Variants in SLC36A1 observed in about 807,000 individuals in gnomAD.
The protein encoded by SLC36A1 is solute carrier family 36 member 1, also known as proton-coupled amino acid transporter 1.
Under a neutral mutation model 47.5 loss-of-function variants are expected in SLC36A1, and 30 were observed. That is an observed-to-expected ratio of 0.63 (90% confidence interval 0.47 to 0.86). The LOEUF is 0.86. SLC36A1 is among the 40% of genes least tolerant of loss of function. SLC36A1 has a pLI of 0.00. For missense variants in SLC36A1, 517 were observed against 606.0 expected (o/e 0.85, Z 1.54); for synonymous variants, 255 against 249.7 (o/e 1.02, Z -0.20).
chr5:151,376,568 G>A, the SLC36A1 span, among the ~76,000 whole-genome samples: 3 of 151,944 alleles, frequency 2.0e-5, no homozygotes, highest in African/African-American at 4.8e-5. Context: ...CTCTATAAAC[G>A]TCCCTCTTAG....
chr5:151,473,265 C>T (rs1489309672), intron 7 of SLC36A1, among the ~76,000 whole-genome samples: 1 of 152,142 alleles, frequency 6.6e-6, no homozygotes, highest in Non-Finnish European at 1.5e-5. Flanking sequence ...TTGTTAATTA[C>T]TTAACTGATC....
chr5:151,397,650 G>T, the SLC36A1 span, among the ~76,000 whole-genome samples: 2 of 151,234 alleles, frequency 1.3e-5, no homozygotes, highest in Non-Finnish European at 2.9e-5. Flanking sequence ...TGTAGTCCCA[G>T]CTACTGGGGA....
Position 151,454,083 on chromosome 5 carries a change from ATTTT to A in SLC36A1, c.-5-4684_-5-4681del, listed in dbSNP as rs35097474. ...AATGTTTTAAGGTTTGTACACTTAA[ATTTT>A]TTTTTTTTTTTTTTTTTTTTGGCCA... On this transcript the variant is annotated intron_variant, in intron 1 of 10. Coordinates refer to ENST00000243389, the MANE Select transcript of SLC36A1 (RefSeq NM_078483.4). Among the ~76,000 whole-genome samples, 210 of 88,090 alleles carry A rather than the reference ATTTT, an allele frequency of 2.4e-3. 1 individual carries two copies. The highest frequency in any genetic ancestry group is 9.3e-3 in the African/African-American group (197 of 21,264). The allele number at this position is 88,090 out of a possible 152,430, so 57.8% of individuals were successfully genotyped here.
chr5:151,425,604 G>T, the SLC36A1 span, among the ~76,000 whole-genome samples: 4 of 152,108 alleles, frequency 2.6e-5, no homozygotes, highest in African/African-American at 9.7e-5. Context: ...ATGGATGGAT[G>T]GATGGATGAT....
the SLC36A1 span, among the ~76,000 whole-genome samples, chr5:151,547,381 C>T: frequency 6.6e-6 from 1 of 152,174 alleles, no homozygotes; most frequent in Non-Finnish European, 1.5e-5. Flanking sequence ...AGTGCTTTCT[C>T]CATGCCCAAT....
chr5:151,504,733 G>C, the SLC36A1 span: 1 of 152,664 alleles, frequency 6.6e-6, no homozygotes, highest in East Asian at 1.9e-4. Flanking sequence ...GGCCAAAAGT[G>C]CCTGGGAAAC....
At chr5:151,448,997 C>T (rs140549953) in intron 1 of SLC36A1, among the ~76,000 whole-genome samples, 84 of 152,240 alleles carry the variant, frequency 5.5e-4, no homozygotes, top group African/African-American at 1.8e-3. Context: ...AGTGATCCTC[C>T]CACCTTGGCC....
chr5:151,381,973 T>TG, the SLC36A1 span: 64 of 519,746 alleles, frequency 1.2e-4, no homozygotes, highest in African/African-American at 3.3e-4. Flanking sequence ...GTGAACCCCT[T>TG]GGGGGGTTAC....
the SLC36A1 span, among the ~76,000 whole-genome samples, chr5:151,533,072 G>A: frequency 6.6e-6 from 1 of 152,172 alleles, no homozygotes; most frequent in Admixed American, 6.5e-5. Context: ...TTAATGGTAA[G>A]TTGATATAAG....
At chr5:151,451,778 G>T (rs577263965) in intron 1 of SLC36A1, among the ~76,000 whole-genome samples, 2 of 152,300 alleles carry the variant, frequency 1.3e-5, no homozygotes, top group African/African-American at 4.8e-5. Flanking sequence ...TGCAAACTCA[G>T]GTGCTTTTTA....
chr5:151,382,192 G>T, the SLC36A1 span: 3 of 1,134,940 alleles, frequency 2.6e-6, no homozygotes, highest in East Asian at 7.1e-5. Context: ...AATGAGCAGC[G>T]TCTGATGTCC....
chr5:151,555,727 G>A, the SLC36A1 span, among the ~76,000 whole-genome samples: 1 of 152,154 alleles, frequency 6.6e-6, no homozygotes, highest in African/African-American at 2.4e-5. Context: ...AAGTATCAAA[G>A]GCAAAATTTG....
chr5:151,366,838 A>T, the SLC36A1 span, among the ~76,000 whole-genome samples: 7 of 152,168 alleles, frequency 4.6e-5, no homozygotes, highest in African/African-American at 1.7e-4. Context: ...CAAAGAGAGG[A>T]ATTTTACAGC....
chr5:151,347,536 T>G, the SLC36A1 span: 1 of 1,566,742 alleles, frequency 6.4e-7, no homozygotes, highest in Non-Finnish European at 8.8e-7. Context: ...AGGTGTCTAG[T>G]GTAGATGTAC....
chr5:151,544,434 C>CAA, the SLC36A1 span: 1 of 1,614,116 alleles, frequency 6.2e-7, no homozygotes, highest in Non-Finnish European at 8.5e-7. Flanking sequence ...ACTCATAGTC[C>CAA]AAAGGCCCTG....
chr5:151,526,057 C>A, the SLC36A1 span: 1 of 1,209,960 alleles, frequency 8.3e-7, no homozygotes. Context: ...GGAATGAGTC[C>A]TCAGCACTCT....
the SLC36A1 span, among the ~76,000 whole-genome samples, chr5:151,410,920 C>T: frequency 2.8e-5 from 4 of 144,360 alleles, no homozygotes; most frequent in Admixed American, 1.4e-4. Flanking sequence ...TGTGTGACAA[C>T]GAAAAATATC....
intron 3 of SLC36A1, among the ~76,000 whole-genome samples, chr5:151,464,197 C>T (rs1755993784): frequency 1.3e-5 from 2 of 152,230 alleles, no homozygotes; most frequent in Admixed American, 1.3e-4. Flanking sequence ...CACCTCACAT[C>T]CCTTAGCCCA....
At chr5:151,473,979 G>A (rs1294362312) in intron 8 of SLC36A1, among the ~76,000 whole-genome samples, 2 of 151,542 alleles carry the variant, frequency 1.3e-5, no homozygotes, top group Admixed American at 6.6e-5. Context: ...GGCCAACATG[G>A]TGAAACCCCA....
Sources: allele counts gnomAD v4.1 joint callset (sites outside exome capture counted in the v4.1 genomes callset), GRCh38; gene constraint gnomAD v4.1.1; transcripts MANE v1.5; gene names NCBI Gene and HGNC (gene_info 2026-07-23, HGNC 2026-07-21).